Variants in DENND2A observed in about 807,000 individuals in gnomAD.
DENND2A encodes the protein DENN domain containing 2A, also known as DENN domain-containing protein 2A.
In DENND2A, 53 loss-of-function variants were observed where a neutral mutation model predicts 105.3. The ratio of observed to expected loss-of-function variants is 0.50; its 90% confidence interval spans 0.40 to 0.63. The LOEUF (loss-of-function observed/expected upper bound fraction) is 0.63, where lower values mean the gene tolerates loss of function less well. Among genes scored for constraint, DENND2A ranks in the 30% least tolerant of loss-of-function variants. DENND2A has a pLI of 0.00. For synonymous variants in DENND2A, 522 were observed against 508.4 expected (o/e 1.03, Z -0.36); for missense variants, 1,138 against 1,279.6 (o/e 0.89, Z 1.69).
rs1563171487 is a variant in DENND2A, at chr7:140,602,116, C to T, written c.282G>A (p.Glu94=). ...TTCCTGGCCTCATTCCATTCTTAGC[C>T]TCTGTGACCTGAGTTCTCACCCCAT... ...SSDGVRTQVT[E]AKNGMRPGTE... is the part of the protein sequence containing the mutation. The change falls in exon 3 of 20, where the codon GAG becomes GAA. Residue 94 remains glutamate, a synonymous_variant. Coordinates refer to ENST00000496613, the MANE Select transcript of DENND2A (RefSeq NM_015689.5). The T allele has an allele frequency of 3.1e-6, 5 of 1,614,134 alleles. No homozygotes were observed. Among genetic ancestry groups the T allele is most frequent in the Admixed American group, 1.7e-5 (1 of 60,010 alleles).
At chr7:140,549,636 A>G (rs2130537962) in intron 12 of DENND2A, among the ~76,000 whole-genome samples, 1 of 152,350 alleles carries the variant, frequency 6.6e-6, no homozygotes, top group South Asian at 2.1e-4. Context: ...AATATTTTGT[A>G]CATATTGTGT....
At chr7:140,558,364 T>G (rs1797466053) in intron 10 of DENND2A, 152 bp from the exon 11 acceptor site, 1 of 595,900 alleles carries the variant, frequency 1.7e-6, no homozygotes, top group Admixed American at 2.7e-5. Context: ...TCCCTGTCCA[T>G]GCTGAGACAC....
chr7:140,587,392 G>A (rs1039500239), intron 4 of DENND2A, among the ~76,000 whole-genome samples: 9 of 152,044 alleles, frequency 5.9e-5, no homozygotes, highest in Non-Finnish European at 1.0e-4. Context: ...CACGCTTCTC[G>A]CTATGCCACG....
Position 140,583,655 on chromosome 7 carries a change from C to T in DENND2A, c.1245+1934G>A, listed in dbSNP as rs187887720. On this transcript the variant is annotated intron_variant, in intron 5 of 19. Coordinates refer to ENST00000496613, the MANE Select transcript of DENND2A (RefSeq NM_015689.5). ...CATATAAAAGTCAAATTTCGCCGGGCGCGGTGGCTCACGCCTGCAACCCCA... is the reference window on the plus strand; with the variant it reads ...CATATAAAAGTCAAATTTCGCCGGGTGCGGTGGCTCACGCCTGCAACCCCA... Among the ~76,000 whole-genome samples the T allele has an allele frequency of 1.0e-4, 15 of 150,536 alleles. 1 individual carries two copies. The East Asian group carries it at 1.2e-3, about 12-fold the overall frequency.
chr7:140,577,476 C>T lies in DENND2A; in HGVS notation c.1246-3468G>A, dbSNP rs545903851. Among the ~76,000 whole-genome samples, 7 of 151,766 alleles carry T rather than the reference C, an allele frequency of 4.6e-5. No individual in the cohort carries two copies. In the East Asian group the frequency reaches 5.8e-4, roughly 13 times the overall value. On this transcript the variant is annotated intron_variant, in intron 5 of 19. Coordinates refer to ENST00000496613, the MANE Select transcript of DENND2A (RefSeq NM_015689.5). Reference sequence around the variant, plus strand: ...GCAGTGGCACAATCTCGGCTAACTGCAACCTCCACCTCGCGGGTTCAAGTG... The same window carrying T: ...GCAGTGGCACAATCTCGGCTAACTGTAACCTCCACCTCGCGGGTTCAAGTG...
At chr7:140,538,093 A>G (rs1796509693) in intron 14 of DENND2A, among the ~76,000 whole-genome samples, 1 of 152,176 alleles carries the variant, frequency 6.6e-6, no homozygotes, top group South Asian at 2.1e-4. Flanking sequence ...CAGAGCAAAA[A>G]TGTTATTCTA....
chr7:140,604,094 C>T (rs183023448), intron 2 of DENND2A, among the ~76,000 whole-genome samples: 5 of 152,268 alleles, frequency 3.3e-5, no homozygotes, highest in Admixed American at 2.0e-4. Flanking sequence ...TTGGATGTGC[C>T]GACATTAGCT....
At chr7:140,600,396 C>T (rs1451291319) in intron 3 of DENND2A, among the ~76,000 whole-genome samples, 1 of 143,828 alleles carries the variant, frequency 7.0e-6, no homozygotes, top group African/African-American at 2.6e-5. Flanking sequence ...CAGGTCTGGC[C>T]CTGGGTTGAG....
intron 3 of DENND2A, among the ~76,000 whole-genome samples, chr7:140,594,863 G>A (rs1306738119): frequency 2.6e-5 from 4 of 152,032 alleles, no homozygotes; most frequent in African/African-American, 4.8e-5. Flanking sequence ...CTACAAGTGC[G>A]TGCCACCATG....
intron 1 of DENND2A, among the ~76,000 whole-genome samples, chr7:140,615,703 A>AT (rs1248258291): frequency 0.059 from 8,453 of 142,318 alleles, 720 homozygotes; most frequent in African/African-American, 0.2. Flanking sequence ...CTGTCCGGCT[A>AT]TTTTTTTTTT....
chr7:140,631,507 A>G (rs566461960), intron 1 of DENND2A, among the ~76,000 whole-genome samples: 4 of 152,200 alleles, frequency 2.6e-5, no homozygotes, highest in South Asian at 4.2e-4. Flanking sequence ...TGGTGCTGGA[A>G]TCTTCAAGTC....
chr7:140,538,305 C>T (rs1194782320), intron 14 of DENND2A, among the ~76,000 whole-genome samples: 2 of 152,056 alleles, frequency 1.3e-5, no homozygotes, highest in Non-Finnish European at 2.9e-5. Flanking sequence ...CCGGGCCACG[C>T]ACTGAGTCTG....
chr7:140,519,809 C>G (rs1158661977), intron 18 of DENND2A, 91 bp from the exon 19 acceptor site: 40 of 1,211,210 alleles, frequency 3.3e-5, no homozygotes, highest in Non-Finnish European at 4.9e-5. Context: ...AAAGAGAAAC[C>G]TTGTTTCTGA....
chr7:140,547,820 A>G (rs1737170413), intron 12 of DENND2A, among the ~76,000 whole-genome samples: 2 of 152,246 alleles, frequency 1.3e-5, no homozygotes, highest in Admixed American at 6.5e-5. Flanking sequence ...GTGCTGATAC[A>G]TGCTATAACT....
At chr7:140,522,235 G>T in intron 17 of DENND2A, 135 bp from the exon 18 acceptor site, 1 of 1,118,270 alleles carries the variant, frequency 8.9e-7, no homozygotes, top group Non-Finnish European at 1.2e-6. Flanking sequence ...TCCAGGAGGA[G>T]GGTTACCCAG....
intron 8 of DENND2A, among the ~76,000 whole-genome samples, chr7:140,567,856 G>A (rs1797928579): frequency 6.6e-6 from 1 of 152,228 alleles, no homozygotes; most frequent in South Asian, 2.1e-4. Context: ...TTCTAGAGGT[G>A]AGTCCGGGAG....
At chr7:140,570,407 C>G (rs1798044391) in intron 6 of DENND2A, among the ~76,000 whole-genome samples, 1 of 152,012 alleles carries the variant, frequency 6.6e-6, no homozygotes, top group Non-Finnish European at 1.5e-5. Context: ...CCTCCCAAAA[C>G]AAAACAAGAA....
At chr7:140,536,318 G>T (rs920289324) in intron 14 of DENND2A, among the ~76,000 whole-genome samples, 7 of 151,574 alleles carry the variant, frequency 4.6e-5, no homozygotes, top group African/African-American at 1.7e-4. Flanking sequence ...TCATGCCACT[G>T]CACTCCAGCC....
At chr7:140,621,899 A>C (rs1192420566) in intron 1 of DENND2A, among the ~76,000 whole-genome samples, 1 of 152,170 alleles carries the variant, frequency 6.6e-6, no homozygotes, top group Non-Finnish European at 1.5e-5. Flanking sequence ...GCATAATCTC[A>C]GAATGACTAA....
Sources: gnomAD v4.1 joint callset for allele counts (sites outside exome capture counted in the v4.1 genomes callset) on GRCh38, gnomAD v4.1.1 for gene constraint, MANE v1.5 for transcripts, NCBI Gene and HGNC (gene_info 2026-07-23, HGNC 2026-07-21) for gene names.